ERCC5: variants seen among roughly 807,000 people sequenced by gnomAD.
ERCC5 encodes the protein ERCC excision repair 5, endonuclease, also known as DNA excision repair protein ERCC-5.
In ERCC5, 68 loss-of-function variants were observed where a neutral mutation model predicts 105.6. The ratio of observed to expected loss-of-function variants is 0.64; its 90% CI spans 0.53 to 0.79. ERCC5 has a LOEUF of 0.79. ERCC5 is among the 30% of genes least tolerant of loss of function. The probability of loss-of-function intolerance (pLI) is 0.00; values close to 1 mark genes in which losing one functional copy is unlikely to be tolerated. For missense variants in ERCC5, 1,373 were observed against 1,426.7 expected (o/e 0.96, Z 0.61); for synonymous variants, 546 against 526.2 (o/e 1.04, Z -0.51).
chr13:102,870,209 C>T lies in ERCC5; in HGVS notation c.2678+1952C>T, dbSNP rs549430613. Among the ~76,000 whole-genome samples, 11 of 152,298 alleles carry T rather than the reference C, an allele frequency of 7.2e-5. No individual in the cohort carries two copies. In the East Asian group the frequency reaches 1.2e-3, roughly 16 times the overall value. The stretch of plus-strand genomic sequence containing the variant: ...GTAGTCACATTTGGTTTGGACTACA[C>T]GGTGTATTCTTCTCTTGAGCTTTAA... On this transcript the variant is annotated intron_variant, in intron 12 of 14. Coordinates refer to ENST00000652225, the MANE Select transcript of ERCC5 (RefSeq NM_000123.4).
chr13:102,865,819 G>A lies in ERCC5; in HGVS notation c.2107G>A (p.Asp703Asn). ...TGCTGAGTCCGAGAGCCTCCTGAGGGACAACTCTGAGAGGGACGACGTGGA... is the reference window on the plus strand; with the variant it reads ...TGCTGAGTCCGAGAGCCTCCTGAGGAACAACTCTGAGAGGGACGACGTGGA... ...APAESESLLR[D>N]NSERDDVDGE... The change falls in exon 9 of 15, where the codon GAC (aspartate) becomes AAC (asparagine). Residue 703 changes from aspartate (D) to asparagine (N), a missense_variant. Physicochemically the swap from Asp to Asn is conservative, Grantham distance 23 (BLOSUM62 1). Transcript: ENST00000652225. This position sits in a 1 kb window ranked among gnomAD's most constrained non-coding sequence, Gnocchi z 4.0. 1 of 1,614,196 alleles carries A rather than the reference G, an allele frequency of 6.2e-7. No homozygotes were observed. Among genetic ancestry groups the A allele is most frequent in the Non-Finnish European group, 8.5e-7 (1 of 1,180,028 alleles).
rs1414680817 is a variant in ERCC5 at position 102,875,792 on chromosome 13, T to C, written c.3450T>C (p.Asp1150=). 2 of 1,613,994 alleles carry C rather than the reference T, an allele frequency of 1.2e-6. No homozygotes were observed. The highest frequency in any genetic ancestry group is 1.7e-6 in the Non-Finnish European group (2 of 1,180,010). Residue 1150 remains aspartate (D), a synonymous_variant, in exon 15 of 15, where the codon GAT becomes GAC. Transcript: ENST00000652225. ...NGGATTSSSS[D]SDDDGGKEKM... is the part of the protein sequence containing the mutation. The stretch of plus-strand genomic sequence containing the variant: ...GTGCGACCACCAGCAGCTCTAGTGA[T>C]AGTGATGACGATGGAGGGAAAGAGA...
rs1882847481 is a variant in ERCC5 at position 102,866,538 on chromosome 13, A to G, written c.2320-94A>G. 4 of 1,597,162 alleles carry G rather than the reference A, an allele frequency of 2.5e-6. No individual in the cohort carries two copies. The East Asian group carries it at 6.7e-5, about 27-fold the overall frequency. On this transcript the variant is annotated intron_variant, in intron 10 of 14. Transcript: ENST00000652225. ...TGTGTCCCTAACTCTGCAGGAATGA[A>G]TGCATTACATGAAGTGGTAGGCACT...
chr13:102,854,261 C>T, intron 3 of ERCC5, 27 bp from the exon 4 acceptor site: 3 of 1,612,756 alleles, frequency 1.9e-6, no homozygotes, highest in South Asian at 1.1e-5. Flanking sequence ...TCTGCATAAT[C>T]TGTTTAAAGA....
At chr13:102,861,988 C>T (rs1566468273) in intron 7 of ERCC5, 42 bp from the exon 8 acceptor site, 3 of 1,609,586 alleles carry the variant, frequency 1.9e-6, no homozygotes, top group Non-Finnish European at 1.7e-6. Flanking sequence ...TATTGTCACA[C>T]TGTAAAACTG....
At chr13:102,855,249 A>C (rs1177883441) in intron 4 of ERCC5, among the ~76,000 whole-genome samples, 1 of 148,400 alleles carries the variant, frequency 6.7e-6, no homozygotes, top group Admixed American at 6.7e-5. Context: ...TCTCCTTCTC[A>C]TTTTTTTCTT....
rs1259251118 is a variant in ERCC5, at chr13:102,852,124, G to A, written c.95G>A (p.Ser32Asn). ...LEGKILAVDISIWLNQALKGV... is the reference protein window; with the variant it reads ...LEGKILAVDINIWLNQALKGV... Reference sequence around the variant, plus strand: ...CCATTAACAATTCTCCCAGATATTAGCATTTGGTTAAACCAAGCACTTAAA... The same window carrying A: ...CCATTAACAATTCTCCCAGATATTAACATTTGGTTAAACCAAGCACTTAAA... Residue 32 changes from serine to asparagine, a missense_variant, in exon 2 of 15, where the codon AGC becomes AAC. This residue lies in a region of ERCC5 where 1,004 missense variants were observed against 1,059.7 expected (regional missense o/e 0.95). Coordinates refer to ENST00000652225, the MANE Select transcript of ERCC5 (RefSeq NM_000123.4). The A allele has an allele frequency of 1.9e-6, 3 of 1,614,026 alleles. No homozygotes were observed. Among genetic ancestry groups the A allele is most frequent in the Non-Finnish European group, 1.7e-6 (2 of 1,179,982 alleles).
intron 1 of ERCC5, among the ~76,000 whole-genome samples, chr13:102,848,621 G>A (rs2140513851): frequency 6.6e-6 from 1 of 152,040 alleles, no homozygotes; most frequent in Middle Eastern, 3.4e-3. Flanking sequence ...TTGGTCTTTG[G>A]GTCTTATACC....
At position 102,862,828 on chromosome 13, in the gene ERCC5, T is replaced by G. The variant is rs928645196; in HGVS notation, c.1679T>G (p.Leu560Arg). 1 of 1,614,254 alleles carries G rather than the reference T, an allele frequency of 6.2e-7. No individual in the cohort carries two copies. The highest frequency in any genetic ancestry group is 1.1e-5 in the South Asian group (1 of 91,084). ...CPYESKFDSSLLSSDDETKCK... is the reference protein window; with the variant it reads ...CPYESKFDSSRLSSDDETKCK... ...TATGAGAGTAAATTCGATTCTTCTC[T>G]TCTTTCAAGTGATGATGAAACAAAA... is the stretch of plus-strand genomic sequence containing the variant. Residue 560 changes from leucine (L) to arginine (R), a missense_variant, in exon 8 of 15, where the codon CTT (leucine) becomes CGT (arginine). Coordinates refer to ENST00000652225, the MANE Select transcript of ERCC5 (RefSeq NM_000123.4).
At chr13:102,867,823 G>A (rs1040359158) in intron 11 of ERCC5, among the ~76,000 whole-genome samples, 84 of 152,304 alleles carry the variant, frequency 5.5e-4, no homozygotes, top group African/African-American at 1.9e-3. Flanking sequence ...CAGTGGAGGT[G>A]TTGAGTTGAT....
rs777571168 is a variant in ERCC5, at chr13:102,858,314, T to G, written c.568T>G (p.Ser190Ala). 23 of 1,613,998 alleles carry G rather than the reference T, an allele frequency of 1.4e-5. No individual in the cohort carries two copies. Among genetic ancestry groups the G allele is most frequent in the Non-Finnish European group, 1.9e-5 (22 of 1,180,010 alleles). Reference sequence around the variant, plus strand: ...TAATCCTCAAGCGATAGATATTGAGTCTGAGGACTTCAGCAGCCTGCCCCC... The same window carrying G: ...TAATCCTCAAGCGATAGATATTGAGGCTGAGGACTTCAGCAGCCTGCCCCC... ...FHNPQAIDIE[S>A]EDFSSLPPEV... The change falls in exon 6 of 15, where the codon TCT (serine) becomes GCT (alanine). Residue 190 changes from serine (S) to alanine (A), a missense_variant. Physicochemically the swap from Ser to Ala is moderately conservative, Grantham distance 99. Transcript: ENST00000652225.
Position 102,865,978 on chromosome 13 carries a change from A to C in ERCC5, c.2199+67A>C. ...CCAGGTTAAGTAGGTTTTGAGTTTT[A>C]AGGAGTTGGTGGATGAGTATTTAGT... is the stretch of plus-strand genomic sequence containing the variant. On this transcript the variant is annotated intron_variant, in intron 9 of 14. Coordinates refer to ENST00000652225, the MANE Select transcript of ERCC5 (RefSeq NM_000123.4). This position sits in a 1 kb window ranked among gnomAD's most constrained non-coding sequence, Gnocchi z 4.0. The C allele has an allele frequency of 6.2e-7, 1 of 1,612,506 alleles. No homozygotes were observed. Among genetic ancestry groups the C allele is most frequent in the Admixed American group, 1.7e-5 (1 of 60,030 alleles).
intron 12 of ERCC5, among the ~76,000 whole-genome samples, chr13:102,871,009 A>T (rs1883012429): frequency 6.6e-6 from 1 of 152,246 alleles, no homozygotes; most frequent in African/African-American, 2.4e-5. Context: ...TTCACACAGC[A>T]GTAGTCACTG....
intron 6 of ERCC5, among the ~76,000 whole-genome samples, chr13:102,860,683 G>A (rs1882586375): frequency 6.6e-6 from 1 of 152,184 alleles, no homozygotes; most frequent in South Asian, 2.1e-4. Flanking sequence ...TTTATAAAAT[G>A]GAGGTGATAT....
At chr13:102,857,575 G>A (rs1374414010) in intron 5 of ERCC5, among the ~76,000 whole-genome samples, 1 of 152,148 alleles carries the variant, frequency 6.6e-6, no homozygotes, top group Non-Finnish European at 1.5e-5. Context: ...AGTACTTTTG[G>A]TAATGAGTTA....
chr13:102,850,656 A>G lies in ERCC5; in HGVS notation c.89-1462A>G, dbSNP rs193076911. ...TCTGGCTCAGGTGAATGGCAGGGACATTCACTGAGATGGGGGCATGAGCAG... is the reference window on the plus strand; with the variant it reads ...TCTGGCTCAGGTGAATGGCAGGGACGTTCACTGAGATGGGGGCATGAGCAG... On this transcript the variant is annotated intron_variant, in intron 1 of 14. Coordinates refer to ENST00000652225, the MANE Select transcript of ERCC5 (RefSeq NM_000123.4). 2.7e-3 allele frequency among the ~76,000 whole-genome samples: 410 copies of G among 152,324 alleles called. 4 individuals are homozygous for G. Among genetic ancestry groups the G allele is most frequent in the African/African-American group, 9.5e-3 (394 of 41,576 alleles).
At chr13:102,853,239 C>G (rs897815833) in intron 2 of ERCC5, among the ~76,000 whole-genome samples, 1 of 152,114 alleles carries the variant, frequency 6.6e-6, no homozygotes, top group African/African-American at 2.4e-5. Context: ...TTATTTTTAT[C>G]CGATATTCAG....
At chr13:102,848,554 T>G (rs1230515266) in intron 1 of ERCC5, among the ~76,000 whole-genome samples, 1 of 152,194 alleles carries the variant, frequency 6.6e-6, no homozygotes, top group Non-Finnish European at 1.5e-5. Flanking sequence ...CTAATGGAGA[T>G]TTTTAAGTCA....
intron 14 of ERCC5, among the ~76,000 whole-genome samples, chr13:102,873,816 C>T (rs1366958832): frequency 1.3e-5 from 2 of 152,116 alleles, no homozygotes; most frequent in Non-Finnish European, 2.9e-5. Context: ...TTTGTATGAC[C>T]TTTAGTTCCT....
Sources: allele counts gnomAD v4.1 joint callset (sites outside exome capture counted in the v4.1 genomes callset), GRCh38; gene constraint gnomAD v4.1.1; regional missense constraint gnomAD v4.1.1; non-coding constraint Gnocchi (gnomAD v3.1); transcripts MANE v1.5; gene names NCBI Gene and HGNC (gene_info 2026-07-23, HGNC 2026-07-21).